The following ZNF385D variants were observed in gnomAD, a reference collection of about 807,000 sequenced individuals.
ZNF385D encodes the protein zinc finger protein 659.
In ZNF385D, 15 loss-of-function variants were observed where a neutral mutation model predicts 35.8. The observed-to-expected ratio is 0.42, with a 90% CI of 0.28 to 0.64. The LOEUF (loss-of-function observed/expected upper bound fraction) is 0.64, where lower values mean the gene tolerates loss of function less well. Among genes scored for constraint, ZNF385D ranks in the 30% least tolerant of loss-of-function variants. The pLI, the probability that ZNF385D is intolerant of heterozygous loss-of-function variation, is 0.23. For synonymous variants in ZNF385D, 212 were observed against 186.8 expected (o/e 1.13, Z -1.10); for missense variants, 474 against 494.6 (o/e 0.96, Z 0.39).
intron 2 of ZNF385D, among the ~76,000 whole-genome samples, chr3:22,270,758 C>T (rs1401264206): frequency 6.6e-6 from 1 of 151,834 alleles, no homozygotes; most frequent in East Asian, 1.9e-4. Flanking sequence ...TTGAATAAGT[C>T]GTAGTGAATC....
intron 3 of ZNF385D, among the ~76,000 whole-genome samples, chr3:22,125,388 G>C (rs1485713863): frequency 6.6e-6 from 1 of 151,950 alleles, no homozygotes; most frequent in Non-Finnish European, 1.5e-5. Context: ...AATAACTTTG[G>C]CTGTCCTGGG....
At chr3:22,043,069 G>T (rs879883263) in intron 3 of ZNF385D, among the ~76,000 whole-genome samples, 2 of 150,704 alleles carry the variant, frequency 1.3e-5, no homozygotes, top group Non-Finnish European at 3.0e-5. Flanking sequence ...TGTGCCACAC[G>T]ATCATTCCTT....
At chr3:21,822,866 C>G (rs919549212) in intron 3 of ZNF385D, among the ~76,000 whole-genome samples, 1 of 151,322 alleles carries the variant, frequency 6.6e-6, no homozygotes, top group Non-Finnish European at 1.5e-5. Context: ...TAAAGATCAA[C>G]AGCAAGCAAG....
intron 3 of ZNF385D, among the ~76,000 whole-genome samples, chr3:21,774,353 T>A (rs2071201078): frequency 6.6e-6 from 1 of 151,794 alleles, no homozygotes; most frequent in Admixed American, 6.6e-5. Flanking sequence ...TGGGATGATC[T>A]GTGCAGCAAA....
chr3:22,228,372 C>T (rs563250706), intron 2 of ZNF385D, among the ~76,000 whole-genome samples: 1 of 152,054 alleles, frequency 6.6e-6, no homozygotes, highest in Admixed American at 6.6e-5. Flanking sequence ...CCCCTACCAA[C>T]CCCCCATGCA....
intron 2 of ZNF385D, among the ~76,000 whole-genome samples, chr3:22,171,796 G>A (rs1220506984): frequency 6.8e-6 from 1 of 147,390 alleles, no homozygotes. Flanking sequence ...AGAATGGAGT[G>A]AACCCGGGAG....
chr3:21,897,734 G>T (rs1365991530), intron 3 of ZNF385D, among the ~76,000 whole-genome samples: 2 of 152,072 alleles, frequency 1.3e-5, no homozygotes, highest in Non-Finnish European at 1.5e-5. Context: ...TGCACAGTGG[G>T]TGTATGGGTG....
At position 22,046,414 on chromosome 3, in the gene ZNF385D, A is replaced by G. The variant is rs532772553; in HGVS notation, c.325+122403T>C. Among the ~76,000 whole-genome samples, 4 of 152,300 alleles carry G rather than the reference A, an allele frequency of 2.6e-5. No individual in the cohort carries two copies. In the South Asian group the frequency reaches 6.2e-4, roughly 24 times the overall value. ...CACTATATTTTATGTTTATATAAAA[A>G]AGACATTGTAGATTGGCTAAAATTC... On this transcript the variant is annotated intron_variant, in intron 3 of 5. Coordinates refer to the ZNF385D transcript ENST00000494108.
At chr3:22,116,830 T>C (rs1395666774) in intron 3 of ZNF385D, among the ~76,000 whole-genome samples, 2 of 152,084 alleles carry the variant, frequency 1.3e-5, no homozygotes, top group Non-Finnish European at 2.9e-5. Flanking sequence ...TAAGGCTATT[T>C]CTGATAAGCT....
At chr3:21,972,955 G>C (rs935632072) in intron 3 of ZNF385D, among the ~76,000 whole-genome samples, 1 of 151,816 alleles carries the variant, frequency 6.6e-6, no homozygotes, top group Non-Finnish European at 1.5e-5. Context: ...AAAATACTAG[G>C]ACCCAGCGGC....
At position 21,809,637 on chromosome 3, in the gene ZNF385D, CACATAT is replaced by C. The variant is rs759953513; in HGVS notation, c.326-144615_326-144610del. ...ACATATATACATACACACATATATA[CACATAT>C]ACATATACATATACATATATACACA... On this transcript the variant is annotated intron_variant, in intron 3 of 5. Coordinates refer to the ZNF385D transcript ENST00000494108. Among the ~76,000 whole-genome samples the C allele has an allele frequency of 1.5e-3, 199 of 135,892 alleles. 2 individuals carry two copies. In the East Asian group the frequency reaches 0.019, roughly 13 times the overall value. The allele number at this position is 135,892 out of a possible 152,430, so 89.2% of individuals were successfully genotyped here.
In ZNF385D at chr3:22,173,027, G is replaced by A. The variant is rs974667350; in HGVS notation, c.107-3992C>T. Among the ~76,000 whole-genome samples the A allele has an allele frequency of 2.0e-5, 3 of 152,200 alleles. No individual in the cohort carries two copies. The South Asian group carries it at 6.2e-4, about 32-fold the overall frequency. ...CACATCAACAGTGACAGGTCACATT[G>A]ATAGCAAGAATCCTTAATATGACGT... is the stretch of plus-strand genomic sequence containing the variant. On this transcript the variant is annotated intron_variant, in intron 2 of 5. Coordinates refer to the ZNF385D transcript ENST00000494108.
chr3:22,174,981 G>A (rs904734000), intron 2 of ZNF385D, among the ~76,000 whole-genome samples: 1 of 151,876 alleles, frequency 6.6e-6, no homozygotes, highest in African/African-American at 2.4e-5. Flanking sequence ...CTGAAAAGAA[G>A]AATCCACCAA....
upstream of ZNF385D, among the ~76,000 whole-genome samples, chr3:21,754,862 G>C (rs750128728): frequency 2.4e-4 from 37 of 152,196 alleles, no homozygotes; most frequent in Non-Finnish European, 5.0e-4. Context: ...ATTTGTGAAT[G>C]AGGGAATGAA....
At chr3:21,514,285 A>G (rs1707418901) in intron 3 of ZNF385D, among the ~76,000 whole-genome samples, 1 of 152,190 alleles carries the variant, frequency 6.6e-6, no homozygotes, top group Admixed American at 6.6e-5. Flanking sequence ...TCTAAGTTAA[A>G]TAAGTAACTG....
intron 2 of ZNF385D, among the ~76,000 whole-genome samples, chr3:22,287,349 T>A (rs1376557991): frequency 6.6e-6 from 1 of 151,986 alleles, no homozygotes; most frequent in Non-Finnish European, 1.5e-5. Flanking sequence ...TTATTGCAAA[T>A]CTTAATCCAT....
intron 3 of ZNF385D, among the ~76,000 whole-genome samples, chr3:22,083,120 G>C (rs1700843357): frequency 1.3e-5 from 2 of 152,276 alleles, no homozygotes; most frequent in South Asian, 4.1e-4. Context: ...CGAAGATGGG[G>C]AGAAACCAGA....
chr3:21,973,968 T>C (rs572974391), intron 3 of ZNF385D, among the ~76,000 whole-genome samples: 1 of 152,044 alleles, frequency 6.6e-6, no homozygotes, highest in African/African-American at 2.4e-5. Flanking sequence ...ATTGGTAGAA[T>C]ATATATTTTT....
intron 2 of ZNF385D, among the ~76,000 whole-genome samples, chr3:22,294,096 T>C (rs765860314): frequency 3.3e-5 from 5 of 151,998 alleles, no homozygotes; most frequent in Non-Finnish European, 7.4e-5. Flanking sequence ...GTTGAATACA[T>C]AATGATACTC....
Sources: gnomAD v4.1 joint callset for allele counts (sites outside exome capture counted in the v4.1 genomes callset) on GRCh38, gnomAD v4.1.1 for gene constraint, MANE v1.5 for transcripts, NCBI Gene and HGNC (gene_info 2026-07-23, HGNC 2026-07-21) for gene names.